Variants in CSMD1 observed in about 807,000 individuals in gnomAD.
The protein encoded by CSMD1 is CUB and Sushi multiple domains 1.
Under a neutral mutation model 417.5 loss-of-function variants are expected in CSMD1, and 213 were observed. That is an observed-to-expected ratio of 0.51 (90% CI 0.46 to 0.57). The LOEUF (loss-of-function observed/expected upper bound fraction) is 0.57, where lower values mean the gene tolerates loss of function less well. CSMD1 is among the 20% of genes least tolerant of loss of function. The pLI is 0.00. For missense variants in CSMD1, 6,923 were observed against 4,529.7 expected (o/e 1.53, Z -15.17); for synonymous variants, 2,862 against 1,736.8 (o/e 1.65, Z -16.11).
At chr8:3,883,963 G>A (rs561235993) in intron 5 of CSMD1, among the ~76,000 whole-genome samples, 4 of 152,078 alleles carry the variant, frequency 2.6e-5, no homozygotes, top group African/African-American at 9.7e-5. Flanking sequence ...TAGATATAGA[G>A]TGTGCACATA....
chr8:4,687,716 C>T (rs1806481099), intron 1 of CSMD1, among the ~76,000 whole-genome samples: 1 of 152,132 alleles, frequency 6.6e-6, no homozygotes, highest in African/African-American at 2.4e-5. Context: ...AAAGAGTCAC[C>T]TCCCCTTTCC....
chr8:4,180,041 C>T (rs1798266866), intron 3 of CSMD1, among the ~76,000 whole-genome samples: 1 of 152,072 alleles, frequency 6.6e-6, no homozygotes, highest in Admixed American at 6.6e-5. Context: ...GGACCTAGAA[C>T]TGGAAATACC....
chr8:3,478,341 G>C (rs539837069), intron 11 of CSMD1, among the ~76,000 whole-genome samples: 1 of 152,170 alleles, frequency 6.6e-6, no homozygotes, highest in South Asian at 2.1e-4. Flanking sequence ...AAAGCCCAAC[G>C]TGATGCTACT....
chr8:4,192,625 G>C lies in CSMD1; in HGVS notation c.416-160526C>G, dbSNP rs572321992. On this transcript the variant is annotated intron_variant, in intron 3 of 69. Transcript: ENST00000635120. ...AATGAGAACAGGTTGGGCCACAGCA[G>C]AGGGCATATTTGCTCAGGGATCAGA... is the stretch of plus-strand genomic sequence containing the variant. Among the ~76,000 whole-genome samples the C allele has an allele frequency of 2.0e-5, 3 of 152,326 alleles. No individual in the cohort carries two copies. The South Asian group carries it at 6.2e-4, about 32-fold the overall frequency.
At chr8:4,723,641 G>A (rs1268454053) in intron 1 of CSMD1, among the ~76,000 whole-genome samples, 1 of 151,966 alleles carries the variant, frequency 6.6e-6, no homozygotes, top group Non-Finnish European at 1.5e-5. Flanking sequence ...TTTAGCTAAT[G>A]ACCTTACATA....
chr8:3,345,154 C>T (rs924292917), intron 22 of CSMD1, among the ~76,000 whole-genome samples: 6 of 152,194 alleles, frequency 3.9e-5, no homozygotes, highest in African/African-American at 1.4e-4. Flanking sequence ...GAAGCCCCTG[C>T]TGGGTCCTGA....
intron 26 of CSMD1, among the ~76,000 whole-genome samples, chr8:3,281,743 T>A (rs1319007498): frequency 1.3e-5 from 2 of 152,192 alleles, no homozygotes; most frequent in Admixed American, 1.3e-4. Flanking sequence ...GGTGATGTTA[T>A]TACTACAGAT....
At chr8:4,174,067 T>C (rs2680614) in intron 3 of CSMD1, among the ~76,000 whole-genome samples, 152,093 of 152,252 alleles carry the variant, frequency 1, 75,967 homozygotes, top group Middle Eastern at 1. Context: ...GCCACCTGCC[T>C]GCTTATGATC....
intron 12 of CSMD1, among the ~76,000 whole-genome samples, chr8:3,425,563 G>T (rs1238588274): frequency 6.8e-6 from 1 of 147,904 alleles, no homozygotes; most frequent in African/African-American, 2.5e-5. Context: ...ACTCTGGCCT[G>T]GGAGAGAGAG....
intron 1 of CSMD1, among the ~76,000 whole-genome samples, chr8:4,748,742 AT>A (rs1295845469): frequency 6.6e-6 from 1 of 152,226 alleles, no homozygotes; most frequent in Admixed American, 6.5e-5. Context: ...AGTAAAATGC[AT>A]TTTTACAGAC....
At chr8:4,250,730 A>T (rs1045807520) in intron 3 of CSMD1, among the ~76,000 whole-genome samples, 1 of 152,178 alleles carries the variant, frequency 6.6e-6, no homozygotes, top group South Asian at 2.1e-4. Flanking sequence ...AAATCTAAAG[A>T]AAGTTTGCAA....
intron 1 of CSMD1, among the ~76,000 whole-genome samples, chr8:4,919,973 G>A (rs1013133802): frequency 6.6e-6 from 1 of 152,134 alleles, no homozygotes. Context: ...GGACTTCCCA[G>A]CCTCCAGAAC....
At chr8:3,829,029 A>ATTT (rs1802217921) in intron 5 of CSMD1, among the ~76,000 whole-genome samples, 5 of 60,972 alleles carry the variant, frequency 8.2e-5, no homozygotes, top group African/African-American at 2.6e-4. Flanking sequence ...TTTTTTTTTA[A>ATTT]AAAAATGTAT....
At chr8:4,050,126 G>A (rs965605417) in intron 3 of CSMD1, among the ~76,000 whole-genome samples, 10 of 152,128 alleles carry the variant, frequency 6.6e-5, no homozygotes, top group African/African-American at 2.4e-4. Flanking sequence ...CAGAGGTAAA[G>A]AACACTTCTC....
intron 21 of CSMD1, among the ~76,000 whole-genome samples, chr8:3,350,864 C>A (rs1158957395): frequency 6.6e-6 from 1 of 151,274 alleles, no homozygotes; most frequent in Non-Finnish European, 1.5e-5. Flanking sequence ...TTAAAAAAAG[C>A]AGATATATAA....
At chr8:3,031,605 G>A (rs1053942059) in intron 50 of CSMD1, among the ~76,000 whole-genome samples, 5 of 151,532 alleles carry the variant, frequency 3.3e-5, no homozygotes, top group African/African-American at 1.2e-4. Flanking sequence ...TAGTTATATG[G>A]CCCACGCTGG....
At chr8:4,800,894 C>T (rs1012743067) in intron 1 of CSMD1, among the ~76,000 whole-genome samples, 2 of 152,220 alleles carry the variant, frequency 1.3e-5, no homozygotes, top group African/African-American at 2.4e-5. Context: ...GAACTTACGT[C>T]TTGTACTCAT....
chr8:4,151,978 T>G (rs1796593232), intron 3 of CSMD1, among the ~76,000 whole-genome samples: 1 of 152,182 alleles, frequency 6.6e-6, no homozygotes, highest in Admixed American at 6.5e-5. Context: ...CAATCCTTCC[T>G]GCTTGTGGTT....
intron 3 of CSMD1, among the ~76,000 whole-genome samples, chr8:4,280,596 C>T (rs982139046): frequency 6.6e-6 from 1 of 152,132 alleles, no homozygotes; most frequent in Non-Finnish European, 1.5e-5. Flanking sequence ...AAAATGGGTA[C>T]TGTTTGAAGG....
Sources: gnomAD v4.1 joint callset for allele counts (sites outside exome capture counted in the v4.1 genomes callset) on GRCh38, gnomAD v4.1.1 for gene constraint, MANE v1.5 for transcripts, NCBI Gene and HGNC (gene_info 2026-07-23, HGNC 2026-07-21) for gene names.